EXD1: variants seen among roughly 807,000 people sequenced by gnomAD.
EXD1 encodes exonuclease 3'-5' domain containing 1.
A neutral mutation model predicts 49.1 loss-of-function variants in EXD1; 63 were observed. That is an observed-to-expected ratio of 1.28 (90% CI 1.05 to 1.58). The LOEUF (loss-of-function observed/expected upper bound fraction) is 1.58. EXD1 is among the 40% of genes most tolerant of loss of function. The pLI, the probability that EXD1 is intolerant of heterozygous loss-of-function variation, is 0.00. For synonymous variants in EXD1, 234 were observed against 239.2 expected (o/e 0.98, Z 0.20); for missense variants, 748 against 666.0 (o/e 1.12, Z -1.36).
intron 9 of EXD1, among the ~76,000 whole-genome samples, chr15:41,193,029 C>G (rs2046553880): frequency 6.6e-6 from 1 of 152,004 alleles, no homozygotes; most frequent in Non-Finnish European, 1.5e-5. Flanking sequence ...TGTGATCCGT[C>G]CGCCTCGCCC....
intron 11 of EXD1, among the ~76,000 whole-genome samples, chr15:41,186,588 A>T (rs2046412302): frequency 6.6e-6 from 1 of 151,954 alleles, no homozygotes; most frequent in Admixed American, 6.6e-5. Flanking sequence ...AACTATTTAC[A>T]TAGCATTTAC....
At chr15:41,213,382 A>G (rs1029358362) in intron 6 of EXD1, among the ~76,000 whole-genome samples, 3 of 151,938 alleles carry the variant, frequency 2.0e-5, no homozygotes, top group Non-Finnish European at 4.4e-5. Context: ...TTGTATTTTT[A>G]GTAGAGACGG....
chr15:41,192,580 C>A (rs1181385828), intron 9 of EXD1, among the ~76,000 whole-genome samples: 2 of 138,198 alleles, frequency 1.4e-5, no homozygotes, highest in Non-Finnish European at 3.0e-5. Context: ...CAGGCGTGAA[C>A]CACTGCGCCA....
chr15:41,229,912 GC>G (rs1198502616), intron 1 of EXD1, among the ~76,000 whole-genome samples: 1 of 152,062 alleles, frequency 6.6e-6, no homozygotes, highest in Non-Finnish European at 1.5e-5. Context: ...ACCTGGGAAA[GC>G]CTGCTACGAC....
At position 41,207,856 on chromosome 15, in the gene EXD1, CA is replaced by C. The variant is rs2046857597; in HGVS notation, c.534+1644del. ...TGAAACCCCATCTCTACTAAAAAGA[CA>C]AAAATTAGCCAGGCATGTTGGCTCA... On this transcript the variant is annotated intron_variant, in intron 7 of 11. Coordinates refer to ENST00000458580, the MANE Select transcript of EXD1 (RefSeq NM_001286441.2). Among the ~76,000 whole-genome samples, 6 of 151,552 alleles carry C rather than the reference CA, an allele frequency of 4.0e-5. No homozygotes were observed. The South Asian group carries it at 1.3e-3, about 32-fold the overall frequency.
At chr15:41,193,529 G>A (rs936346803) in intron 9 of EXD1, among the ~76,000 whole-genome samples, 1 of 151,924 alleles carries the variant, frequency 6.6e-6, no homozygotes, top group Non-Finnish European at 1.5e-5. Context: ...GTTTGAGGTC[G>A]GGAGTTCAAG....
chr15:41,198,711 T>TAA (rs2046656979), intron 7 of EXD1, among the ~76,000 whole-genome samples: 1 of 151,510 alleles, frequency 6.6e-6, no homozygotes, highest in South Asian at 2.1e-4. Flanking sequence ...AAAAAAAATT[T>TAA]TTTTTTTTTT....
chr15:41,185,134 T>A (rs1033743706), intron 11 of EXD1, among the ~76,000 whole-genome samples: 2 of 152,234 alleles, frequency 1.3e-5, no homozygotes, highest in East Asian at 1.9e-4. Context: ...CACGTATGTA[T>A]AAAGACTATA....
At chr15:41,207,365 A>C (rs2140873818) in intron 7 of EXD1, among the ~76,000 whole-genome samples, 1 of 151,702 alleles carries the variant, frequency 6.6e-6, no homozygotes, top group African/African-American at 2.4e-5. Context: ...AAAATGGAGA[A>C]ACCCTGTCTC....
intron 7 of EXD1, among the ~76,000 whole-genome samples, chr15:41,204,842 A>G (rs752974972): frequency 8.5e-5 from 13 of 152,124 alleles, no homozygotes; most frequent in Non-Finnish European, 1.8e-4. Flanking sequence ...GGGCCATAAA[A>G]ATGATCTGAC....
chr15:41,187,218 T>C (rs867375663), intron 11 of EXD1, among the ~76,000 whole-genome samples: 1 of 151,882 alleles, frequency 6.6e-6, no homozygotes, highest in South Asian at 2.1e-4. Context: ...GCCTCCCAAG[T>C]AGCTGGGATT....
chr15:41,200,495 G>T (rs2046712067), intron 7 of EXD1, among the ~76,000 whole-genome samples: 9 of 152,126 alleles, frequency 5.9e-5, no homozygotes, highest in Admixed American at 5.9e-4. Context: ...CTGCACTCCA[G>T]CCTGAGCAAG....
chr15:41,222,678 G>C (rs7166905), intron 2 of EXD1, among the ~76,000 whole-genome samples: 74,517 of 145,194 alleles, frequency 0.51, 20,873 homozygotes, highest in African/African-American at 0.75. Context: ...GTGACTCACG[G>C]CTATAATCTC....
intron 11 of EXD1, among the ~76,000 whole-genome samples, chr15:41,187,344 C>A (rs1449648236): frequency 6.6e-6 from 1 of 152,142 alleles, no homozygotes; most frequent in African/African-American, 2.4e-5. Flanking sequence ...CCCACCTTGG[C>A]CTCCCAAAGT....
intron 7 of EXD1, among the ~76,000 whole-genome samples, chr15:41,199,748 T>TATATCAC (rs1595436622): frequency 9.2e-5 from 1 of 10,848 alleles, no homozygotes; most frequent in Non-Finnish European, 1.8e-4. Flanking sequence ...TGTCATATAT[T>TATATCAC]ATATATGATA....
chr15:41,211,060 T>C (rs2046914236), intron 6 of EXD1, among the ~76,000 whole-genome samples: 1 of 152,112 alleles, frequency 6.6e-6, no homozygotes, highest in Non-Finnish European at 1.5e-5. Flanking sequence ...AAGCTTCTTT[T>C]TTTGTTTTTT....
chr15:41,207,767 T>C, intron 7 of EXD1, among the ~76,000 whole-genome samples: 1 of 151,376 alleles, frequency 6.6e-6, no homozygotes, highest in Admixed American at 6.6e-5. Context: ...TCCCAGCACT[T>C]TGGGAGGTTG....
chr15:41,226,458 C>A lies in EXD1; in HGVS notation c.118G>T (p.Val40Phe). ...AGAACAAGACCTTTCTTCAGGACAA[C>A]AATCTTATTAGGGTCAACATGCTGA... ...VLQHVDPNKIVVLKKVKNVET... is the reference protein window; with the variant it reads ...VLQHVDPNKIFVLKKVKNVET... The change falls in exon 2 of 12, where the codon GTT becomes TTT. Residue 40 changes from valine to phenylalanine, a missense_variant. Transcript: ENST00000458580. The A allele has an allele frequency of 6.5e-7, 1 of 1,535,932 alleles. No homozygotes were observed. Among genetic ancestry groups the A allele is most frequent in the Non-Finnish European group, 8.7e-7 (1 of 1,146,858 alleles).
At chr15:41,193,184 T>C (rs533046856) in intron 9 of EXD1, among the ~76,000 whole-genome samples, 3 of 152,232 alleles carry the variant, frequency 2.0e-5, no homozygotes, top group Admixed American at 2.0e-4. Flanking sequence ...TCCCAAAGTG[T>C]TGGGATTACA....
Sources: gnomAD v4.1 joint callset for allele counts (sites outside exome capture counted in the v4.1 genomes callset) on GRCh38, gnomAD v4.1.1 for gene constraint, MANE v1.5 for transcripts, NCBI Gene and HGNC (gene_info 2026-07-23, HGNC 2026-07-21) for gene names.